Variants in ETFA observed in about 807,000 individuals in gnomAD.
The protein encoded by ETFA is electron transfer flavoprotein subunit alpha, mitochondrial.
In ETFA, 22 loss-of-function variants were observed where a neutral mutation model predicts 46.2. That is an observed-to-expected ratio of 0.48 (90% CI 0.34 to 0.68). The LOEUF (loss-of-function observed/expected upper bound fraction) is 0.68, where lower values mean the gene tolerates loss of function less well. Ranked by LOEUF, ETFA falls within the 30% of genes least tolerant of loss-of-function variation. The pLI is 0.01. For synonymous variants in ETFA, 131 were observed against 139.9 expected (o/e 0.94, Z 0.45); for missense variants, 345 against 401.1 (o/e 0.86, Z 1.19).
chr15:76,237,741 T>C (rs929378403), intron 9 of ETFA, among the ~76,000 whole-genome samples: 81 of 152,226 alleles, frequency 5.3e-4, no homozygotes, highest in Non-Finnish European at 1.6e-4. Flanking sequence ...AATGTTATAG[T>C]TCTAAACAGA....
At chr15:76,256,993 A>G (rs1459227830) in intron 9 of ETFA, among the ~76,000 whole-genome samples, 2 of 152,234 alleles carry the variant, frequency 1.3e-5, no homozygotes, top group Non-Finnish European at 2.9e-5. Flanking sequence ...TGCTTACACA[A>G]TAACAAAATC....
chr15:76,271,169 CAAAAAAAAAAAA>C (rs35403723), intron 9 of ETFA, among the ~76,000 whole-genome samples: 1 of 57,534 alleles, frequency 1.7e-5, no homozygotes, highest in African/African-American at 5.8e-5. Context: ...GACTATGTCT[CAAAAAAAAAAAA>C]AAAAAAAAAG....
At chr15:76,231,236 T>C (rs1003716107) in intron 10 of ETFA, 97 bp downstream of exon 10, 2 of 808,234 alleles carry the variant, frequency 2.5e-6, no homozygotes, top group African/African-American at 3.4e-5. Flanking sequence ...TGTGAATGGC[T>C]TGACTACATG....
intron 9 of ETFA, chr15:76,245,174 C>T (rs1249884148): frequency 6.6e-6 from 1 of 152,126 alleles, no homozygotes; most frequent in Admixed American, 6.6e-5. Context: ...TAATCCAGGC[C>T]ATGTAATTAC....
At chr15:76,276,426 T>G (rs1266624075) in intron 8 of ETFA, among the ~76,000 whole-genome samples, 2 of 152,136 alleles carry the variant, frequency 1.3e-5, no homozygotes, top group African/African-American at 4.8e-5. Flanking sequence ...TTGAAGTTCT[T>G]CTGGCATTTC....
intron 9 of ETFA, chr15:76,261,434 T>C (rs2141495833): frequency 8.9e-7 from 1 of 1,122,328 alleles, no homozygotes. Context: ...CTGACTGGGA[T>C]GAACCAGTTC....
At chr15:76,254,881 A>G (rs974236569) in intron 9 of ETFA, among the ~76,000 whole-genome samples, 4 of 152,200 alleles carry the variant, frequency 2.6e-5, no homozygotes, top group African/African-American at 9.7e-5. Flanking sequence ...CTATAATTTC[A>G]TTATTGTTCA....
At chr15:76,247,955 G>C (rs1333294453) in intron 9 of ETFA, among the ~76,000 whole-genome samples, 1 of 152,190 alleles carries the variant, frequency 6.6e-6, no homozygotes. Context: ...ATAGGTCTGA[G>C]TTCTCTGAAG....
chr15:76,307,127 C>G (rs2039947016), intron 1 of ETFA, among the ~76,000 whole-genome samples: 1 of 152,098 alleles, frequency 6.6e-6, no homozygotes, highest in African/African-American at 2.4e-5. Flanking sequence ...TGTTGTTTCA[C>G]TCACCACATA....
At chr15:76,283,421 G>C (rs1188929234) in intron 8 of ETFA, among the ~76,000 whole-genome samples, 2 of 152,084 alleles carry the variant, frequency 1.3e-5, no homozygotes, top group Admixed American at 1.3e-4. Flanking sequence ...CAAATTCCTG[G>C]GCTCAAGCAG....
At chr15:76,254,252 G>A (rs2039328785) in intron 9 of ETFA, among the ~76,000 whole-genome samples, 2 of 152,164 alleles carry the variant, frequency 1.3e-5, no homozygotes, top group African/African-American at 4.8e-5. Flanking sequence ...CAGAAGGAGA[G>A]AACCACAGAG....
chr15:76,292,536 A>G (rs1567218345), intron 3 of ETFA, 23 bp from the exon 4 acceptor site: 3 of 1,601,522 alleles, frequency 1.9e-6, no homozygotes, highest in Admixed American at 1.7e-5. Context: ...CACATTTGAT[A>G]AAAAAATATT....
intron 9 of ETFA, among the ~76,000 whole-genome samples, chr15:76,235,790 G>T (rs748511787): frequency 6.6e-6 from 1 of 152,130 alleles, no homozygotes; most frequent in African/African-American, 2.4e-5. Context: ...TGGAAAAGCC[G>T]TTAGGAGCAG....
chr15:76,248,804 G>A (rs1013196641), intron 9 of ETFA, among the ~76,000 whole-genome samples: 1 of 151,932 alleles, frequency 6.6e-6, no homozygotes, highest in African/African-American at 2.4e-5. Context: ...TTGAACCCAG[G>A]AGGTAGAGGC....
chr15:76,274,470 T>A lies in ETFA; in HGVS notation c.758A>T (p.Asp253Val), dbSNP rs1284748770. The A allele has an allele frequency of 6.2e-7, 1 of 1,612,778 alleles. No homozygotes were observed. Among genetic ancestry groups the A allele is most frequent in the Non-Finnish European group, 8.5e-7 (1 of 1,179,294 alleles). Residue 253 changes from aspartate to valine, a missense_variant, in exon 9 of 12, where the codon GAT becomes GTT. Coordinates refer to ENST00000557943, the MANE Select transcript of ETFA (RefSeq NM_000126.4). ...CATGTCATTGGGAACAAAGCCAGCA[T>A]CAACAGCAGCACGGGAAGCACCAAC... Reference protein sequence around the residue: ...AAVGASRAAVDAGFVPNDMQV... With the variant: ...AAVGASRAAVVAGFVPNDMQV...
At chr15:76,308,395 GTAAC>G (rs913545956) in intron 1 of ETFA, among the ~76,000 whole-genome samples, 13 of 152,306 alleles carry the variant, frequency 8.5e-5, no homozygotes, top group South Asian at 2.1e-4. Context: ...CTTTGGCTAA[GTAAC>G]TAAAGTCAGC....
At chr15:76,272,350 AGCTGGG>A (rs2039544967) in intron 9 of ETFA, among the ~76,000 whole-genome samples, 1 of 151,504 alleles carries the variant, frequency 6.6e-6, no homozygotes, top group African/African-American at 2.4e-5. Flanking sequence ...CCCCCACAGT[AGCTGGG>A]ACTACAGGCA....
chr15:76,252,598 C>T (rs2039309169), intron 9 of ETFA, among the ~76,000 whole-genome samples: 1 of 152,178 alleles, frequency 6.6e-6, no homozygotes, highest in African/African-American at 2.4e-5. Context: ...CATCCCTTAC[C>T]ACAACCATAT....
intron 10 of ETFA, chr15:76,231,069 G>A (rs1020652753): frequency 2.4e-6 from 1 of 424,686 alleles, no homozygotes; most frequent in African/African-American, 2.0e-5. Context: ...CAAAGAAACT[G>A]AGTTTGCAGA....
Sources: allele counts gnomAD v4.1 joint callset (sites outside exome capture counted in the v4.1 genomes callset), GRCh38; gene constraint gnomAD v4.1.1; transcripts MANE v1.5; gene names NCBI Gene and HGNC (gene_info 2026-07-23, HGNC 2026-07-21).